Variants in SLC26A9 observed in about 807,000 individuals in gnomAD.
The protein encoded by SLC26A9 is solute carrier family 26 member 9, also known as anion transporter/exchanger protein 9.
A neutral mutation model predicts 87.1 loss-of-function variants in SLC26A9; 46 were observed. That is an observed-to-expected ratio of 0.53 (90% CI 0.42 to 0.67). The LOEUF (loss-of-function observed/expected upper bound fraction) is 0.67. Among genes scored for constraint, SLC26A9 ranks in the 30% least tolerant of loss-of-function variants. The probability of loss-of-function intolerance (pLI) is 0.00; values close to 1 mark genes in which losing one functional copy is unlikely to be tolerated. For synonymous variants in SLC26A9, 437 were observed against 409.1 expected (o/e 1.07, Z -0.82); for missense variants, 927 against 1,018.3 (o/e 0.91, Z 1.22).
chr1:205,915,242 AGCTCTGGGGGATGC>A lies in SLC26A9; in HGVS notation c.*101_*114del, dbSNP rs1340527609. On this transcript the variant is annotated 3_prime_UTR_variant, in exon 21 of 21. Coordinates refer to ENST00000367135, the MANE Select transcript of SLC26A9 (RefSeq NM_052934.4). ...GAGGGGGAGAGGAGAGAGGAACCCA[AGCTCTGGGGGATGC>A]ACTTTCCTCCGCCCGACACCCCCTG... 1.3e-6 allele frequency: 2 copies of A among 1,598,928 alleles called. No individual in the cohort carries two copies. The highest frequency in any genetic ancestry group is 1.7e-6 in the Non-Finnish European group (2 of 1,171,112).
chr1:205,927,159 T>G, intron 11 of SLC26A9, 52 bp downstream of exon 11: 7 of 1,576,700 alleles, frequency 4.4e-6, no homozygotes, highest in African/African-American at 1.3e-5. Context: ...CTCTCAGGGA[T>G]TGTTCTTATT....
At chr1:205,941,392 G>A (rs370601766) in intron 1 of SLC26A9, among the ~76,000 whole-genome samples, 6 of 152,054 alleles carry the variant, frequency 3.9e-5, no homozygotes, top group Admixed American at 6.5e-5. Flanking sequence ...GCCTGGTCTC[G>A]AACTCCTGAC....
rs747700026 is a variant in SLC26A9, at chr1:205,928,900, C to A, written c.880G>T (p.Ala294Ser). Residue 294 changes from alanine to serine, a missense_variant, in exon 8 of 21, where the codon GCA (alanine) becomes TCA (serine). Coordinates refer to ENST00000367135, the MANE Select transcript of SLC26A9 (RefSeq NM_052934.4). ...IPTEMIVVVV[A>S]TAISGGCKMP... ...TTACAGCCCCCGGAGATAGCTGTTGCCACCACCACCTGCAAACCCCAGAGT... is the reference window on the plus strand; with the variant it reads ...TTACAGCCCCCGGAGATAGCTGTTGACACCACCACCTGCAAACCCCAGAGT... The A allele has an allele frequency of 6.2e-7, 1 of 1,614,142 alleles. No individual in the cohort carries two copies. Among genetic ancestry groups the A allele is most frequent in the Non-Finnish European group, 8.5e-7 (1 of 1,180,032 alleles).
rs1658440365 is a variant in SLC26A9, at chr1:205,913,121, T to C, written c.*2236A>G. On this transcript the variant is annotated 3_prime_UTR_variant, in exon 21 of 21. Coordinates refer to ENST00000367135, the MANE Select transcript of SLC26A9 (RefSeq NM_052934.4). The stretch of plus-strand genomic sequence containing the variant: ...AATGAGGCTTAAATTAAATAAATTA[T>C]GCAAATATCTCAAGAGATAAGGTTC... 6.6e-6 allele frequency: 1 copy of C among 152,192 alleles called. No homozygotes were observed. The highest frequency in any genetic ancestry group is 2.4e-5 in the African/African-American group (1 of 41,444). The allele number at this position is 152,192 out of a possible 1,614,324, so 9.4% of individuals were successfully genotyped here. A position where few individuals can be genotyped will look rare whatever the true frequency, so the allele number is the denominator to read the frequency against.
In SLC26A9 at chr1:205,932,920, G is replaced by A. The variant is rs1002035076; in HGVS notation, c.265+25C>T. The stretch of plus-strand genomic sequence containing the variant: ...GAATGGTGAGGGGAGTGGCAATCCA[G>A]GCCTGGCTGAAGGAGCCCCTTCACC... On this transcript the variant is annotated intron_variant, in intron 3 of 20. Coordinates refer to ENST00000367135, the MANE Select transcript of SLC26A9 (RefSeq NM_052934.4). 6.2e-6 allele frequency: 10 copies of A among 1,613,326 alleles called. No homozygotes were observed. In the Admixed American group the frequency reaches 1.3e-4, roughly 22 times the overall value.
Position 205,915,040 on chromosome 1 carries a change from G to A in SLC26A9, c.*317C>T. On this transcript the variant is annotated 3_prime_UTR_variant, in exon 21 of 21. Coordinates refer to ENST00000367135, the MANE Select transcript of SLC26A9 (RefSeq NM_052934.4). ...AAGCTGGAAGTCAAGGTGTCCTTCA[G>A]CTGCCAAGGACAGGGCAGAGGTGGG... 1.2e-6 allele frequency: 2 copies of A among 1,614,188 alleles called. No homozygotes were observed. The highest frequency in any genetic ancestry group is 1.7e-6 in the Non-Finnish European group (2 of 1,180,038).
intron 1 of SLC26A9, among the ~76,000 whole-genome samples, chr1:205,943,031 G>T (rs1326548807): frequency 1.3e-5 from 2 of 152,206 alleles, no homozygotes; most frequent in South Asian, 2.1e-4. Context: ...AAAGGCTGTC[G>T]CGGAGGAAGG....
At chr1:205,934,842 G>A (rs949569544) in intron 2 of SLC26A9, among the ~76,000 whole-genome samples, 2 of 152,230 alleles carry the variant, frequency 1.3e-5, no homozygotes, top group African/African-American at 4.8e-5. Flanking sequence ...CCTCCCAAGA[G>A]AAACAGGGCT....
intron 12 of SLC26A9, chr1:205,924,711 G>C: frequency 3.9e-6 from 2 of 507,954 alleles, no homozygotes. Flanking sequence ...TCTTGTCTGT[G>C]TTTTTAGTAG....
chr1:205,933,114 G>C (rs41305064), intron 2 of SLC26A9, 30 bp from the exon 3 acceptor site: 57 of 1,613,756 alleles, frequency 3.5e-5, no homozygotes, highest in Non-Finnish European at 4.5e-5. Flanking sequence ...ATTTCCAGTC[G>C]GCTCTGCATG....
intron 19 of SLC26A9, 95 bp downstream of exon 19, chr1:205,918,745 C>G (rs1274204791): frequency 2.1e-6 from 3 of 1,463,198 alleles, no homozygotes; most frequent in Non-Finnish European, 2.8e-6. Flanking sequence ...GATATTGGAA[C>G]TTAAACCTTC....
intron 4 of SLC26A9, 85 bp downstream of exon 4, chr1:205,932,617 T>C: frequency 8.8e-7 from 1 of 1,137,406 alleles, no homozygotes; most frequent in Non-Finnish European, 1.2e-6. Context: ...AGAATGCAGA[T>C]GGAAAATCTC....
chr1:205,918,151 G>A (rs1482105477), intron 19 of SLC26A9, among the ~76,000 whole-genome samples: 1 of 152,184 alleles, frequency 6.6e-6, no homozygotes, highest in Non-Finnish European at 1.5e-5. Flanking sequence ...TTTACCCAGG[G>A]CTGGGGCACA....
rs563218993 is a variant in SLC26A9, at chr1:205,927,399, G to A, written c.1215+93C>T. On this transcript the variant is annotated intron_variant, in intron 10 of 20. Coordinates refer to ENST00000367135, the MANE Select transcript of SLC26A9 (RefSeq NM_052934.4). ...GAGACTAAGACGGGAAGAAGGGGTC[G>A]GAGAAGAGCTGGCCTGGCTTGCAGT... 579 of 1,546,616 alleles carry A rather than the reference G, an allele frequency of 3.7e-4. 7 individuals are homozygous for A. The South Asian group carries it at 6.0e-3, about 16-fold the overall frequency.
chr1:205,917,246 C>T (rs1475815012), intron 20 of SLC26A9, 37 bp downstream of exon 20: 1 of 1,611,934 alleles, frequency 6.2e-7, no homozygotes, highest in Non-Finnish European at 8.5e-7. Context: ...CCCTCTTCGC[C>T]CTGCTCCCAC....
chr1:205,928,559 G>T (rs1241808785), intron 8 of SLC26A9, among the ~76,000 whole-genome samples: 1 of 152,338 alleles, frequency 6.6e-6, no homozygotes, highest in Admixed American at 6.5e-5. Context: ...GCAAGCGGCT[G>T]TTCAGAGAGG....
At chr1:205,929,765 A>G in intron 6 of SLC26A9, 127 bp downstream of exon 6, 1 of 1,227,252 alleles carries the variant, frequency 8.1e-7, no homozygotes, top group East Asian at 2.5e-5. Flanking sequence ...CCCCCTCAGA[A>G]TCCTCTCTGA....
chr1:205,928,174 C>A (rs970208423), intron 8 of SLC26A9, 125 bp from the exon 9 acceptor site: 58 of 1,160,660 alleles, frequency 5.0e-5, no homozygotes, highest in Middle Eastern at 5.5e-4. Context: ...CCTAAGTTAT[C>A]CCATCCAGTC....
rs143142570 is a variant in SLC26A9 at position 205,921,567 on chromosome 1, T to C, written c.2054A>G (p.Lys685Arg). 36 of 1,606,674 alleles carry C rather than the reference T, an allele frequency of 2.2e-5. No individual in the cohort carries two copies. Among genetic ancestry groups the C allele is most frequent in the Admixed American group, 3.3e-5 (2 of 59,806 alleles). Residue 685 changes from lysine (K) to arginine (R), a missense_variant and splice_region_variant, in exon 17 of 21, where the codon AAG becomes AGG. Lys to Arg is a conservative substitution (Grantham distance 26). Coordinates refer to ENST00000367135, the MANE Select transcript of SLC26A9 (RefSeq NM_052934.4). Reference protein sequence around the residue: ...VDLMGIKALAKLSSTYGKIGV... With the variant: ...VDLMGIKALARLSSTYGKIGV... The stretch of plus-strand genomic sequence containing the variant: ...GCTTGCTGTTCCCGAGGGCCTCACC[T>C]TGGCCAGGGCCTTGATGCCCATCAA...
Sources: gnomAD v4.1 joint callset for allele counts (sites outside exome capture counted in the v4.1 genomes callset) on GRCh38, gnomAD v4.1.1 for gene constraint, MANE v1.5 for transcripts, NCBI Gene and HGNC (gene_info 2026-07-23, HGNC 2026-07-21) for gene names.